Variants in NEDD4L observed in about 807,000 individuals in gnomAD.
NEDD4L encodes the protein NEDD4 like E3 ubiquitin protein ligase.
NEDD4L carries 54 observed loss-of-function variants against 148.9 expected under a neutral mutation model. The ratio of observed to expected loss-of-function variants is 0.36; its 90% CI spans 0.29 to 0.45. NEDD4L has a LOEUF of 0.45. Ranked by LOEUF, NEDD4L falls within the 20% of genes least tolerant of loss-of-function variation. NEDD4L has a pLI of 1.00. For synonymous variants in NEDD4L, 433 were observed against 440.7 expected, an observed-to-expected ratio of 0.98 and a Z score of 0.22; for missense variants, 856 against 1,233.8, an observed-to-expected ratio of 0.69 and a Z score of 4.59.
intron 1 of NEDD4L, among the ~76,000 whole-genome samples, chr18:58,057,568 G>GCAT (rs2082144146): frequency 6.6e-6 from 1 of 152,150 alleles, no homozygotes; most frequent in African/African-American, 2.4e-5. Context: ...GTGCTGCTTG[G>GCAT]CATTAGTCTG....
At chr18:58,139,845 G>C (rs997279036) in intron 1 of NEDD4L, among the ~76,000 whole-genome samples, 31 of 152,178 alleles carry the variant, frequency 2.0e-4, no homozygotes, top group Admixed American at 2.6e-4. Flanking sequence ...AGCAGGTGGG[G>C]GCAGGCAGGA....
intron 2 of NEDD4L, among the ~76,000 whole-genome samples, chr18:58,190,683 G>A (rs1283124308): frequency 6.6e-6 from 1 of 152,138 alleles, no homozygotes; most frequent in Non-Finnish European, 1.5e-5. Context: ...TGAAGAATCT[G>A]TATTGCATTT....
intron 5 of NEDD4L, among the ~76,000 whole-genome samples, chr18:58,254,575 A>AAAGC (rs2048290469): frequency 6.6e-6 from 1 of 151,508 alleles, no homozygotes; most frequent in Non-Finnish European, 1.5e-5. Flanking sequence ...AAAAAAAAAA[A>AAAGC]AGCCCACATG....
chr18:58,277,377 G>A (rs1426055057), intron 5 of NEDD4L, among the ~76,000 whole-genome samples: 1 of 152,302 alleles, frequency 6.6e-6, no homozygotes, highest in East Asian at 1.9e-4. Flanking sequence ...CTTCCTGGGG[G>A]CAGGAGGGAG....
At chr18:58,061,255 G>A (rs1245968356) in intron 1 of NEDD4L, among the ~76,000 whole-genome samples, 3 of 152,134 alleles carry the variant, frequency 2.0e-5, no homozygotes, top group Non-Finnish European at 4.4e-5. Flanking sequence ...AATTGGATCC[G>A]TGAGCCAGTC....
In NEDD4L at chr18:58,366,212, T is replaced by C; in HGVS notation, c.2047T>C (p.Phe683Leu). 6.2e-7 allele frequency: 1 copy of C among 1,606,326 alleles called. No individual in the cohort carries two copies. Among genetic ancestry groups the C allele is most frequent in the Non-Finnish European group, 8.5e-7 (1 of 1,175,438 alleles). ...GATGTTCAACCCCTACTACGGCCTC[T>C]TTGAGTACTCTGCCACGTAAGTATA... ...KEMFNPYYGL[F>L]EYSATDNYTL... Residue 683 changes from phenylalanine to leucine, a missense_variant, in exon 21 of 31, where the codon TTT becomes CTT. Transcript: ENST00000400345. The surrounding 1 kb of genome is among the most constrained non-coding windows in gnomAD (Gnocchi z 4.2).
At chr18:58,103,265 A>ATAT (rs1439504888) in intron 1 of NEDD4L, among the ~76,000 whole-genome samples, 1 of 134,390 alleles carries the variant, frequency 7.4e-6, no homozygotes, top group Non-Finnish European at 1.5e-5. Context: ...GATATATTAT[A>ATAT]TATTATAATT....
chr18:58,223,531 G>A (rs372128502), intron 2 of NEDD4L, among the ~76,000 whole-genome samples: 2 of 152,108 alleles, frequency 1.3e-5, no homozygotes, highest in East Asian at 1.9e-4. Context: ...GGGTTGTTTG[G>A]GATTTTTATG....
chr18:58,257,633 CTTCCTGTTTCTCTG>C (rs1490759963), intron 5 of NEDD4L, among the ~76,000 whole-genome samples: 4 of 152,124 alleles, frequency 2.6e-5, no homozygotes, highest in African/African-American at 9.7e-5. Context: ...AGATTCTGGC[CTTCCTGTTTCTCTG>C]TTCCTGATCG....
Position 58,398,900 on chromosome 18 carries a change from G to A in NEDD4L, c.*2631G>A, listed in dbSNP as rs926637312. 6.6e-6 allele frequency: 1 copy of A among 152,274 alleles called. No homozygotes were observed. The highest frequency in any genetic ancestry group is 2.4e-5 in the African/African-American group (1 of 41,456). 9.4% of individuals were successfully genotyped at this position (152,274 alleles called of 1,614,324 possible). ...CTGCCCGGGGAGTAGCCCTGGGGGAGAGAGGGCAGTGTTGCCTATCCCAGA... is the reference window on the plus strand; with the variant it reads ...CTGCCCGGGGAGTAGCCCTGGGGGAAAGAGGGCAGTGTTGCCTATCCCAGA... On this transcript the variant is annotated 3_prime_UTR_variant, in exon 31 of 31. Transcript: ENST00000400345.
At chr18:58,303,818 T>C (rs1360259596) in intron 5 of NEDD4L, among the ~76,000 whole-genome samples, 1 of 152,256 alleles carries the variant, frequency 6.6e-6, no homozygotes, top group Non-Finnish European at 1.5e-5. Flanking sequence ...AGATTCTGGT[T>C]GAAATCCTAG....
chr18:58,081,066 T>C (rs1568187269), intron 1 of NEDD4L, among the ~76,000 whole-genome samples: 3 of 152,136 alleles, frequency 2.0e-5, no homozygotes, highest in Non-Finnish European at 4.4e-5. Context: ...TCTGCTACTT[T>C]CAATGAATAA....
intron 9 of NEDD4L, among the ~76,000 whole-genome samples, chr18:58,327,700 A>G (rs1234905812): frequency 2.0e-5 from 3 of 152,228 alleles, no homozygotes; most frequent in African/African-American, 4.8e-5. Context: ...TGTGTTTTAG[A>G]AAGAGTCTAT....
intron 1 of NEDD4L, among the ~76,000 whole-genome samples, chr18:58,154,705 T>C (rs1301010936): frequency 6.6e-6 from 1 of 152,216 alleles, no homozygotes; most frequent in Non-Finnish European, 1.5e-5. Flanking sequence ...GAGAATCGCT[T>C]GAACCCAGGG....
At chr18:58,321,762 T>C (rs529435705) in intron 6 of NEDD4L, among the ~76,000 whole-genome samples, 3 of 152,234 alleles carry the variant, frequency 2.0e-5, no homozygotes, top group Non-Finnish European at 4.4e-5. Flanking sequence ...ATATAGTATT[T>C]AAAGATTAAT....
intron 1 of NEDD4L, among the ~76,000 whole-genome samples, chr18:58,078,894 C>G (rs1296822466): frequency 6.6e-6 from 1 of 152,132 alleles, no homozygotes; most frequent in Non-Finnish European, 1.5e-5. Context: ...ATGGGCGGAA[C>G]TGGGCTTAGT....
At chr18:58,308,494 T>G (rs1354971574) in intron 5 of NEDD4L, among the ~76,000 whole-genome samples, 9 of 152,214 alleles carry the variant, frequency 5.9e-5, no homozygotes, top group Admixed American at 5.2e-4. Flanking sequence ...GCTTCTTCCC[T>G]CCTCTGAAAA....
intron 2 of NEDD4L, among the ~76,000 whole-genome samples, chr18:58,206,548 C>G (rs2042005687): frequency 6.6e-6 from 1 of 152,190 alleles, no homozygotes; most frequent in Non-Finnish European, 1.5e-5. Context: ...ACCTCCCCTC[C>G]TCAGGTATAA....
chr18:58,248,803 C>CA (rs1295546427), intron 3 of NEDD4L, 96 bp from the exon 4 acceptor site: 12 of 654,734 alleles, frequency 1.8e-5, no homozygotes, highest in South Asian at 6.4e-5. Context: ...TTTTTTTAAT[C>CA]AAAAAAATGT....
Sources: allele counts gnomAD v4.1 joint callset (sites outside exome capture counted in the v4.1 genomes callset), GRCh38; gene constraint gnomAD v4.1.1; non-coding constraint Gnocchi (gnomAD v3.1); transcripts MANE v1.5; gene names NCBI Gene and HGNC (gene_info 2026-07-23, HGNC 2026-07-21).